Variants in SHOC1 observed in about 807,000 individuals in gnomAD.
SHOC1 encodes shortage in chiasmata 1, also known as protein shortage in chiasmata 1 ortholog.
SHOC1 carries 136 observed loss-of-function variants against 179.2 expected under a neutral mutation model. That is an observed-to-expected ratio of 0.76 (90% CI 0.66 to 0.87). The LOEUF (loss-of-function observed/expected upper bound fraction) is 0.87. SHOC1 is among the 40% of genes least tolerant of loss of function. The probability of loss-of-function intolerance (pLI) is 0.00; values close to 1 mark genes in which losing one functional copy is unlikely to be tolerated. For missense variants in SHOC1, 1,538 were observed against 1,700.8 expected (o/e 0.90, Z 1.68); for synonymous variants, 489 against 586.6 (o/e 0.83, Z 2.41).
chr9:111,735,948 A>G (rs1439069525), intron 12 of SHOC1, among the ~76,000 whole-genome samples: 5 of 152,228 alleles, frequency 3.3e-5, no homozygotes, highest in Non-Finnish European at 5.9e-5. Context: ...ATGGGCACCT[A>G]GGTTGATTTC....
intron 12 of SHOC1, among the ~76,000 whole-genome samples, chr9:111,729,946 A>T (rs1833491140): frequency 6.6e-6 from 1 of 151,960 alleles, no homozygotes; most frequent in Admixed American, 6.6e-5. Flanking sequence ...TTTATCAACT[A>T]TGTTTATGGA....
chr9:111,790,168 A>T (rs1564173491), intron 2 of SHOC1, among the ~76,000 whole-genome samples: 1 of 152,218 alleles, frequency 6.6e-6, no homozygotes, highest in Non-Finnish European at 1.5e-5. Flanking sequence ...AAATTGTAAA[A>T]CCTGTAAAAT....
At chr9:111,694,466 T>G in intron 24 of SHOC1, 104 bp from the exon 25 acceptor site, 1 of 764,986 alleles carries the variant, frequency 1.3e-6, no homozygotes. Flanking sequence ...CAACAGCAGA[T>G]TCTATCTAAT....
intron 11 of SHOC1, among the ~76,000 whole-genome samples, chr9:111,738,826 TATTAA>T (rs1407914314): frequency 1.3e-5 from 2 of 152,202 alleles, no homozygotes; most frequent in Non-Finnish European, 2.9e-5. Flanking sequence ...CATTTTCAAT[TATTAA>T]ATTAATGTTT....
At position 111,686,867 on chromosome 9, in the gene SHOC1, A is replaced by C. The variant is rs569827418; in HGVS notation, c.4430T>G (p.Phe1477Cys). ...NSGDKESLTG[F>C]MCSQLPQFKK... is the part of the protein sequence containing the mutation. ...GAATTGTGGTAGTTGTGAGCACATA[A>C]AACCTGTTAAAAGGAGAAAAAGGAA... Residue 1477 changes from phenylalanine to cysteine, a missense_variant, in exon 28 of 28, where the codon TTT (phenylalanine) becomes TGT (cysteine). By Grantham distance (205) the Phe-to-Cys change is radical. Transcript: ENST00000682961. The C allele has an allele frequency of 2.2e-4, 361 of 1,605,394 alleles. 5 individuals carry two copies. The South Asian group carries it at 3.1e-3, about 14-fold the overall frequency.
rs185762542 is a variant in SHOC1, at chr9:111,750,427, C to A, written c.863-2228G>T. On this transcript the variant is annotated intron_variant, in intron 8 of 27. Transcript: ENST00000682961. ...TTAGCTCACTGCAACCTCTACCTCCCAAGTTCAAGTGATTCTCCTGCCTCA... is the reference window on the plus strand; with the variant it reads ...TTAGCTCACTGCAACCTCTACCTCCAAAGTTCAAGTGATTCTCCTGCCTCA... Among the ~76,000 whole-genome samples, 1,136 of 152,206 alleles carry A rather than the reference C, an allele frequency of 7.5e-3. 16 individuals carry two copies. The highest frequency in any genetic ancestry group is 0.026 in the African/African-American group (1,071 of 41,530).
In SHOC1 at chr9:111,686,738, A is replaced by G; in HGVS notation, c.*32T>C. The G allele has an allele frequency of 7.3e-7, 1 of 1,366,240 alleles. No homozygotes were observed. Among genetic ancestry groups the G allele is most frequent in the African/African-American group, 1.4e-5 (1 of 69,884 alleles). 84.6% of individuals were successfully genotyped at this position (1,366,240 alleles called of 1,614,324 possible). A position where few individuals can be genotyped will look rare whatever the true frequency, so the allele number is the denominator to read the frequency against. On this transcript the variant is annotated 3_prime_UTR_variant, in exon 28 of 28. Transcript: ENST00000682961. Reference sequence around the variant, plus strand: ...AGTGGATTAGCATCAAAAACAGTGGAATATGGCATGTAACATTGCTCTTCT... The same window carrying G: ...AGTGGATTAGCATCAAAAACAGTGGGATATGGCATGTAACATTGCTCTTCT...
chr9:111,722,405 T>C lies in SHOC1; in HGVS notation c.2131+4A>G, dbSNP rs1833097719. On this transcript the variant is annotated splice_donor_region_variant and intron_variant, in intron 15 of 27. Transcript: ENST00000682961. ...TAAATAACGTGACTTTTATTTGTAC[T>C]CACCTTGGCGAACAGCATCACTTAC... 1.3e-6 allele frequency: 2 copies of C among 1,580,816 alleles called. No individual in the cohort carries two copies. The highest frequency in any genetic ancestry group is 1.7e-6 in the Non-Finnish European group (2 of 1,171,238).
At chr9:111,759,442 C>T in intron 5 of SHOC1, 1 of 1,303,138 alleles carries the variant, frequency 7.7e-7, no homozygotes. Flanking sequence ...TTAAGAAACA[C>T]TACTGCTAAC....
intron 23 of SHOC1, among the ~76,000 whole-genome samples, chr9:111,701,809 T>C (rs527473411): frequency 7.2e-5 from 11 of 152,214 alleles, no homozygotes; most frequent in African/African-American, 2.6e-4. Context: ...AAAAATTTAG[T>C]ACAGTAGTTA....
chr9:111,788,566 T>A (rs1836344372), intron 2 of SHOC1, among the ~76,000 whole-genome samples: 2 of 152,242 alleles, frequency 1.3e-5, no homozygotes, highest in Non-Finnish European at 2.9e-5. Context: ...AGTAGTTTGA[T>A]GTATTTTCCT....
intron 14 of SHOC1, 46 bp downstream of exon 14, chr9:111,723,746 T>G: frequency 6.3e-7 from 1 of 1,589,188 alleles, no homozygotes. Flanking sequence ...GAAAGGACTT[T>G]CAAACTAAGC....
chr9:111,775,031 T>C (rs1328496500), intron 5 of SHOC1, among the ~76,000 whole-genome samples: 2 of 152,124 alleles, frequency 1.3e-5, no homozygotes, highest in Admixed American at 6.6e-5. Flanking sequence ...AGTCTTGCTC[T>C]TTTGCCCAGG....
At position 111,738,300 on chromosome 9, in the gene SHOC1, G is replaced by A. The variant is rs748247659; in HGVS notation, c.1397C>T (p.Thr466Met). 1.5e-4 allele frequency: 238 copies of A among 1,609,838 alleles called. No homozygotes were observed. The highest frequency in any genetic ancestry group is 1.8e-4 in the Non-Finnish European group (213 of 1,177,930). ...NDTKIEIFLP[T>M]KVLQLESCLE... is the part of the protein sequence containing the mutation. Reference sequence around the variant, plus strand: ...CTTACATTCTAATTGAAGCACTTTCGTAGGCAAAAATATCTCAATTTTAGT... The same window carrying A: ...CTTACATTCTAATTGAAGCACTTTCATAGGCAAAAATATCTCAATTTTAGT... Residue 466 changes from threonine (T) to methionine (M), a missense_variant, in exon 12 of 28, where the codon ACG becomes ATG. Physicochemically the swap from Thr to Met is moderately conservative, Grantham distance 81 (BLOSUM62 -1). Transcript: ENST00000682961.
chr9:111,736,501 T>C (rs895315556), intron 12 of SHOC1, among the ~76,000 whole-genome samples: 1 of 152,196 alleles, frequency 6.6e-6, no homozygotes, highest in Non-Finnish European at 1.5e-5. Context: ...CTGGGATAGC[T>C]GGCTAGCCAT....
chr9:111,687,611 T>C (rs1021712640), intron 27 of SHOC1, among the ~76,000 whole-genome samples: 1 of 152,188 alleles, frequency 6.6e-6, no homozygotes, highest in African/African-American at 2.4e-5. Context: ...TTCCAATAAG[T>C]CCTCATTAAT....
At chr9:111,773,523 G>A (rs1006765889) in intron 5 of SHOC1, among the ~76,000 whole-genome samples, 9 of 152,082 alleles carry the variant, frequency 5.9e-5, no homozygotes, top group Admixed American at 5.9e-4. Context: ...CGTTGGCCAG[G>A]CTGGTTTCGA....
In SHOC1 at chr9:111,693,968, A is replaced by T. The variant is rs768856176; in HGVS notation, c.3316-20T>A. ...TTCTTCCTAGAAAAGAGTTTAAGAAATAATCAGTCAGTAGTCTTTTGAAAG... is the reference window on the plus strand; with the variant it reads ...TTCTTCCTAGAAAAGAGTTTAAGAATTAATCAGTCAGTAGTCTTTTGAAAG... On this transcript the variant is annotated intron_variant, in intron 25 of 27. Transcript: ENST00000682961. 7 of 1,584,676 alleles carry T rather than the reference A, an allele frequency of 4.4e-6. No homozygotes were observed. Among genetic ancestry groups the T allele is most frequent in the Middle Eastern group, 3.4e-4 (2 of 5,968 alleles).
At chr9:111,766,236 T>C (rs1214696643) in intron 5 of SHOC1, among the ~76,000 whole-genome samples, 2 of 152,210 alleles carry the variant, frequency 1.3e-5, no homozygotes, top group Non-Finnish European at 2.9e-5. Flanking sequence ...AGAATTTCAT[T>C]CTTTTTTGTG....
Sources: gnomAD v4.1 joint callset for allele counts (sites outside exome capture counted in the v4.1 genomes callset) on GRCh38, gnomAD v4.1.1 for gene constraint, MANE v1.5 for transcripts, NCBI Gene and HGNC (gene_info 2026-07-23, HGNC 2026-07-21) for gene names.